Variants in PRIMA1 observed in about 807,000 individuals in gnomAD.
The protein encoded by PRIMA1 is proline-rich membrane anchor 1.
In PRIMA1, 7 loss-of-function variants were observed where a neutral mutation model predicts 17.5. That is an observed-to-expected ratio of 0.40 (90% confidence interval 0.23 to 0.75). PRIMA1 has a LOEUF of 0.75. Ranked by LOEUF, PRIMA1 falls within the 30% of genes least tolerant of loss-of-function variation. The pLI, the probability that PRIMA1 is intolerant of heterozygous loss-of-function variation, is 0.37. For synonymous variants in PRIMA1, 97 were observed against 77.9 expected (o/e 1.25, Z -1.29); for missense variants, 200 against 201.8 (o/e 0.99, Z 0.05).
chr14:93,775,803 T>C (rs113132275), intron 3 of PRIMA1, among the ~76,000 whole-genome samples: 2 of 152,360 alleles, frequency 1.3e-5, no homozygotes, highest in South Asian at 4.1e-4. Flanking sequence ...AGCCATGTTC[T>C]TATTTTTGGG....
chr14:93,787,714 A>G lies in PRIMA1; in HGVS notation c.5T>C (p.Leu2Pro), dbSNP rs1440172922. The change falls in exon 2 of 5, where the codon CTC becomes CCC. Residue 2 changes from leucine (L) to proline (P), a missense_variant. Coordinates refer to ENST00000393140, the MANE Select transcript of PRIMA1 (RefSeq NM_178013.4). M[L>P]LRDLVLRRGC... ...ACGGCGCAGCACCAAGTCCCGGAGG[A>G]GCATCTCGGCCAGCGGCGCCCGCTC... 6.5e-7 allele frequency: 1 copy of G among 1,543,414 alleles called. No homozygotes were observed. The highest frequency in any genetic ancestry group is 1.4e-5 in the African/African-American group (1 of 73,008).
intron 4 of PRIMA1, among the ~76,000 whole-genome samples, chr14:93,730,724 T>C (rs1595191974): frequency 6.6e-6 from 1 of 152,324 alleles, no homozygotes; most frequent in South Asian, 2.1e-4. Context: ...CTCTGGGCTA[T>C]CCCAAAGCTC....
chr14:93,728,490 G>A lies in PRIMA1; in HGVS notation c.360-6944C>T, dbSNP rs912708739. Among the ~76,000 whole-genome samples the A allele has an allele frequency of 2.6e-5, 4 of 152,214 alleles. No individual in the cohort carries two copies. In the South Asian group the frequency reaches 6.2e-4, roughly 24 times the overall value. ...GAGAGGAGGAGAAAAACACCAGCAG[G>A]AGCAGTGGGGCAGAAGCCAGCCCCT... On this transcript the variant is annotated intron_variant, in intron 4 of 4. Transcript: ENST00000393140.
intron 3 of PRIMA1, among the ~76,000 whole-genome samples, chr14:93,772,270 A>C (rs889868634): frequency 7.9e-5 from 12 of 152,248 alleles, no homozygotes; most frequent in African/African-American, 2.9e-4. Context: ...ACCTTTGAGG[A>C]GTCACTTAAC....
chr14:93,758,611 AAG>A (rs1555416591), intron 3 of PRIMA1, among the ~76,000 whole-genome samples: 24 of 149,368 alleles, frequency 1.6e-4, no homozygotes, highest in African/African-American at 5.8e-4. Context: ...AAAAAAAAAA[AAG>A]AAAAAGAAAA....
chr14:93,746,685 G>T (rs779720549), intron 3 of PRIMA1, among the ~76,000 whole-genome samples: 1 of 152,116 alleles, frequency 6.6e-6, no homozygotes, highest in Admixed American at 6.5e-5. Context: ...GGGGAAGGGC[G>T]GGAGGCTGCG....
intron 3 of PRIMA1, among the ~76,000 whole-genome samples, chr14:93,752,732 C>T (rs2076267920): frequency 6.6e-6 from 1 of 151,852 alleles, no homozygotes; most frequent in Non-Finnish European, 1.5e-5. Flanking sequence ...AGTTCTCTGT[C>T]TGGACAAGCA....
At chr14:93,724,329 AT>A (rs1170104581) in intron 4 of PRIMA1, among the ~76,000 whole-genome samples, 1 of 152,128 alleles carries the variant, frequency 6.6e-6, no homozygotes, top group Non-Finnish European at 1.5e-5. Context: ...TGAGAACACC[AT>A]TTATGTAGAC....
At chr14:93,725,851 T>A in intron 4 of PRIMA1, 1 of 439,138 alleles carries the variant, frequency 2.3e-6, no homozygotes, top group Non-Finnish European at 4.6e-6. Context: ...GCGTGCCCCG[T>A]GGGGCTCCGG....
intron 3 of PRIMA1, among the ~76,000 whole-genome samples, chr14:93,762,852 G>A (rs897700231): frequency 2.6e-5 from 4 of 152,048 alleles, no homozygotes; most frequent in African/African-American, 9.7e-5. Context: ...TTCACTCCAG[G>A]CACATAGGCC....
chr14:93,771,101 C>A (rs1398517948), intron 3 of PRIMA1, among the ~76,000 whole-genome samples: 3 of 151,360 alleles, frequency 2.0e-5, no homozygotes, highest in Non-Finnish European at 4.4e-5. Context: ...CGTGCGTGTG[C>A]ATGTACGCGT....
intron 3 of PRIMA1, among the ~76,000 whole-genome samples, chr14:93,746,316 G>A (rs28624730): frequency 0.1 from 15,654 of 152,024 alleles, 959 homozygotes; most frequent in African/African-American, 0.17. Context: ...GGGGCTGAGG[G>A]TGCTGGGGTG....
At chr14:93,766,205 A>T (rs1393282536) in intron 3 of PRIMA1, among the ~76,000 whole-genome samples, 1 of 152,196 alleles carries the variant, frequency 6.6e-6, no homozygotes, top group Non-Finnish European at 1.5e-5. Context: ...CAACGAAATG[A>T]ACATGTCCTC....
chr14:93,740,245 G>T (rs1307499090), intron 3 of PRIMA1, among the ~76,000 whole-genome samples: 1 of 152,090 alleles, frequency 6.6e-6, no homozygotes, highest in Admixed American at 6.5e-5. Context: ...TAAGAAAAAG[G>T]AGACCCAAAG....
intron 3 of PRIMA1, among the ~76,000 whole-genome samples, chr14:93,751,869 C>A (rs1441928983): frequency 6.6e-6 from 1 of 152,190 alleles, no homozygotes; most frequent in Non-Finnish European, 1.5e-5. Flanking sequence ...CAGTAGCCAC[C>A]AGCCACATGT....
chr14:93,760,468 C>T (rs2076319975), intron 3 of PRIMA1, among the ~76,000 whole-genome samples: 1 of 152,088 alleles, frequency 6.6e-6, no homozygotes, highest in African/African-American at 2.4e-5. Context: ...CCCTTCCACC[C>T]CTCCCTATTC....
chr14:93,725,045 G>A (rs1463152298), intron 4 of PRIMA1, among the ~76,000 whole-genome samples: 1 of 152,166 alleles, frequency 6.6e-6, no homozygotes, highest in African/African-American at 2.4e-5. Flanking sequence ...CGGGCCCTGG[G>A]GAAGAGGTGG....
intron 3 of PRIMA1, among the ~76,000 whole-genome samples, chr14:93,767,932 G>A (rs1442940216): frequency 6.6e-6 from 1 of 152,220 alleles, no homozygotes; most frequent in Non-Finnish European, 1.5e-5. Flanking sequence ...GGCTGCAGGG[G>A]ATGGTAGGTA....
chr14:93,782,199 C>A (rs558083419), intron 2 of PRIMA1, among the ~76,000 whole-genome samples: 1 of 151,516 alleles, frequency 6.6e-6, no homozygotes, highest in Admixed American at 6.6e-5. Context: ...ACACGGGAGG[C>A]GGAGCTTGCA....
Sources: allele counts gnomAD v4.1 joint callset (sites outside exome capture counted in the v4.1 genomes callset), GRCh38; gene constraint gnomAD v4.1.1; transcripts MANE v1.5; gene names NCBI Gene and HGNC (gene_info 2026-07-23, HGNC 2026-07-21).